RACGAP1: variants seen among roughly 807,000 people sequenced by gnomAD.
RACGAP1 encodes the protein Rac GTPase activating protein 1.
A neutral mutation model predicts 78.1 loss-of-function variants in RACGAP1; 30 were observed. The ratio of observed to expected loss-of-function variants is 0.38; its 90% CI spans 0.29 to 0.52. The LOEUF (loss-of-function observed/expected upper bound fraction) is 0.52. RACGAP1 is among the 20% of genes least tolerant of loss of function. The probability of loss-of-function intolerance (pLI) is 0.82; values close to 1 mark genes in which losing one functional copy is unlikely to be tolerated. For missense variants in RACGAP1, 587 were observed against 777.1 expected, an observed-to-expected ratio of 0.76 and a Z score of 2.91; for synonymous variants, 231 against 264.8, an observed-to-expected ratio of 0.87 and a Z score of 1.24.
At chr12:50,000,526 G>T (rs1948609389) in intron 7 of RACGAP1, among the ~76,000 whole-genome samples, 1 of 152,084 alleles carries the variant, frequency 6.6e-6, no homozygotes, top group East Asian at 2.0e-4. Flanking sequence ...CCAGCATTTT[G>T]GGAGGCCAAG....
At chr12:50,025,540 C>G (rs898928035), upstream of RACGAP1, 2 of 985,514 alleles carry the variant, frequency 2.0e-6, no homozygotes, top group Non-Finnish European at 2.4e-6. Flanking sequence ...CGCGCCGTCC[C>G]TCTACGGTGT....
At chr12:49,990,915 T>C (rs1433183769) in intron 15 of RACGAP1, 123 bp from the exon 16 acceptor site, 2 of 654,246 alleles carry the variant, frequency 3.1e-6, no homozygotes. Context: ...TCTAGCAAAG[T>C]CCCAGAGATC....
chr12:50,012,033 T>G (rs892491352), intron 2 of RACGAP1, among the ~76,000 whole-genome samples: 1 of 141,010 alleles, frequency 7.1e-6, no homozygotes, highest in South Asian at 2.3e-4. Flanking sequence ...GAGGCTGAGG[T>G]AGGAGGATTG....
At chr12:50,032,707 G>C (rs1239735150) in intron 1 of RACGAP1, among the ~76,000 whole-genome samples, 1 of 152,208 alleles carries the variant, frequency 6.6e-6, no homozygotes, top group Non-Finnish European at 1.5e-5. Context: ...GAAAGCTTGG[G>C]TTCGATTCCC....
chr12:49,994,105 T>C (rs745799474), intron 12 of RACGAP1, 26 bp downstream of exon 12: 3 of 1,564,654 alleles, frequency 1.9e-6, no homozygotes, highest in African/African-American at 2.7e-5. Context: ...GAGGAATTCA[T>C]ATTCAAGTAT....
At chr12:49,995,554 G>A (rs1319556604) in intron 10 of RACGAP1, among the ~76,000 whole-genome samples, 1 of 151,510 alleles carries the variant, frequency 6.6e-6, no homozygotes, top group Non-Finnish European at 1.5e-5. Flanking sequence ...GTGCAGTGGT[G>A]TGATCACAGC....
At chr12:50,018,681 T>C (rs1949819884) in intron 1 of RACGAP1, 1 of 613,470 alleles carries the variant, frequency 1.6e-6, no homozygotes, top group Non-Finnish European at 2.5e-6. Context: ...CGTGAGACTA[T>C]AAGACAGCTC....
rs773259385 is a variant in RACGAP1 at position 49,992,363 on chromosome 12, G to A, written c.1460C>T (p.Pro487Leu). 1.9e-5 allele frequency: 30 copies of A among 1,613,958 alleles called. No homozygotes were observed. In the Admixed American group the frequency reaches 3.2e-4, roughly 17 times the overall value. Residue 487 changes from proline to leucine, a missense_variant, in exon 14 of 17, where the codon CCA becomes CTA. Transcript: ENST00000312377. ...ATTGGCAACATCCATTTTAGTATGT[G>A]GACTCTGAGCCACTCTAAGCAAAAG... ...MIHLQRVAQSPHTKMDVANLA... is the reference protein window; with the variant it reads ...MIHLQRVAQSLHTKMDVANLA...
chr12:49,989,774 G>C lies in RACGAP1; in HGVS notation c.*494C>G, dbSNP rs1384121030. The C allele has an allele frequency of 6.5e-6, 1 of 154,138 alleles. No homozygotes were observed. Among genetic ancestry groups the C allele is most frequent in the African/African-American group, 2.4e-5 (1 of 41,428 alleles). The allele number at this position is 154,138 out of a possible 1,614,324, so 9.5% of individuals were successfully genotyped here. On this transcript the variant is annotated 3_prime_UTR_variant, in exon 17 of 17. Transcript: ENST00000312377. ...TTCATAATGGGGAATGAGAACTTCT[G>C]GTTCTTAGAAGGAGGCATCCTAAAT...
chr12:50,032,939 C>T (rs1036570800), intron 1 of RACGAP1: 1 of 152,122 alleles, frequency 6.6e-6, no homozygotes, highest in Non-Finnish European at 1.5e-5. Context: ...GGGTGACCTC[C>T]CGAGCGCGCC....
intron 1 of RACGAP1, among the ~76,000 whole-genome samples, chr12:50,032,536 AGT>A (rs60239235): frequency 0.59 from 86,713 of 147,046 alleles, 29,237 homozygotes; most frequent in East Asian, 0.85. Flanking sequence ...GGAAAAGGTG[AGT>A]GTGTGTGTGT....
At chr12:50,002,522 G>A in intron 5 of RACGAP1, 1 of 397,528 alleles carries the variant, frequency 2.5e-6, no homozygotes, top group Non-Finnish European at 4.5e-6. Context: ...AATAAAATCA[G>A]GAATCAATAC....
At position 49,992,582 on chromosome 12, in the gene RACGAP1, G is replaced by A. The variant is rs777332787; in HGVS notation, c.1413C>T (p.Asp471=). Residue 471 remains aspartate (D), a synonymous_variant, in exon 13 of 17, where the codon GAC becomes GAT. Transcript: ENST00000312377. ...AGTGAATCATGAGGAAAGCTAATGT[G>A]TCCCTGTTGGCCTGGGGCAGTTCAC... ...AVGELPQANR[D]TLAFLMIHLQ... 61 of 1,613,948 alleles carry A rather than the reference G, an allele frequency of 3.8e-5. No homozygotes were observed. Among genetic ancestry groups the A allele is most frequent in the Non-Finnish European group, 5.1e-5 (60 of 1,179,992 alleles).
In RACGAP1 at chr12:49,994,161, G is replaced by A. The variant is rs1393744684; in HGVS notation, c.1309C>T (p.Arg437Cys). Residue 437 changes from arginine to cysteine, a missense_variant, in exon 12 of 17, where the codon CGC becomes TGC. Arg to Cys is a radical substitution (Grantham distance 180). Coordinates refer to ENST00000312377, the MANE Select transcript of RACGAP1 (RefSeq NM_001319999.2). ...GCTTCCATAAAGGCTCTGTTAAGGC[G>A]AAAGGTCAGAAGAGGTTCTTTGAGG... ...RNLKEPLLTF[R>C]LNRAFMEAAE... 11 of 1,613,102 alleles carry A rather than the reference G, an allele frequency of 6.8e-6. No individual in the cohort carries two copies. Among genetic ancestry groups the A allele is most frequent in the South Asian group, 2.2e-5 (2 of 91,032 alleles).
chr12:50,004,658 G>A (rs1483630925), intron 4 of RACGAP1, among the ~76,000 whole-genome samples: 4 of 152,190 alleles, frequency 2.6e-5, no homozygotes, highest in Non-Finnish European at 2.9e-5. Flanking sequence ...TCCCAACTGT[G>A]CTGGTTTCTA....
intron 2 of RACGAP1, among the ~76,000 whole-genome samples, chr12:50,009,474 T>C (rs989553834): frequency 6.6e-6 from 1 of 151,526 alleles, no homozygotes; most frequent in African/African-American, 2.4e-5. Flanking sequence ...TGATTTTTTT[T>C]TTCCATTTAC....
chr12:50,001,834 G>A (rs1301404182), intron 6 of RACGAP1, among the ~76,000 whole-genome samples: 1 of 152,118 alleles, frequency 6.6e-6, no homozygotes, highest in East Asian at 1.9e-4. Context: ...GGGAGGCCGA[G>A]GCAGGTGGAT....
intron 12 of RACGAP1, among the ~76,000 whole-genome samples, chr12:49,993,746 T>TAAAAA (rs34663027): frequency 7.7e-6 from 1 of 130,624 alleles, no homozygotes. Context: ...GACTCCGTCT[T>TAAAAA]AAAAAAAAAA....
upstream of RACGAP1, among the ~76,000 whole-genome samples, chr12:50,028,256 C>T (rs1950298418): frequency 1.3e-5 from 2 of 152,162 alleles, no homozygotes; most frequent in African/African-American, 4.8e-5. Flanking sequence ...ATGATTGGAC[C>T]TCAGGGGTGA....
Sources: allele counts gnomAD v4.1 joint callset (sites outside exome capture counted in the v4.1 genomes callset), GRCh38; gene constraint gnomAD v4.1.1; transcripts MANE v1.5; gene names NCBI Gene and HGNC (gene_info 2026-07-23, HGNC 2026-07-21).